GXYLT2: variants seen among roughly 807,000 people sequenced by gnomAD.
The protein encoded by GXYLT2 is glycosyltransferase 8 domain containing 4.
A neutral mutation model predicts 45.8 loss-of-function variants in GXYLT2; 53 were observed. The observed-to-expected ratio is 1.16, with a 90% CI of 0.93 to 1.46. GXYLT2 has a LOEUF of 1.46. Ranked by LOEUF, GXYLT2 falls within the 40% of genes most tolerant of loss-of-function variation. The probability of loss-of-function intolerance (pLI) is 0.00; values close to 1 mark genes in which losing one functional copy is unlikely to be tolerated. For synonymous variants in GXYLT2, 219 were observed against 214.2 expected, an observed-to-expected ratio of 1.02 and a Z score of -0.19; for missense variants, 551 against 544.4, an observed-to-expected ratio of 1.01 and a Z score of -0.12.
intron 1 of GXYLT2, among the ~76,000 whole-genome samples, chr3:72,894,541 A>G (rs896010523): frequency 1.3e-5 from 2 of 152,248 alleles, no homozygotes; most frequent in Admixed American, 1.3e-4. Flanking sequence ...TGTACCTGAT[A>G]GCAATAGCTT....
chr3:72,965,620 A>T (rs1710852050), intron 5 of GXYLT2, among the ~76,000 whole-genome samples: 1 of 152,182 alleles, frequency 6.6e-6, no homozygotes. Context: ...AAATTTTCTG[A>T]ATCCAATAGG....
intron 5 of GXYLT2, among the ~76,000 whole-genome samples, chr3:72,961,144 C>T (rs1710760752): frequency 6.6e-6 from 1 of 152,150 alleles, no homozygotes; most frequent in Admixed American, 6.6e-5. Context: ...GGACAGTTCA[C>T]AGGACATTTC....
At chr3:72,957,883 G>C (rs1000627560) in intron 5 of GXYLT2, among the ~76,000 whole-genome samples, 10 of 152,160 alleles carry the variant, frequency 6.6e-5, no homozygotes, top group African/African-American at 2.4e-4. Context: ...GAGGGAAAAA[G>C]GGAGATGAAC....
chr3:72,957,835 T>C (rs1307756897), intron 5 of GXYLT2, among the ~76,000 whole-genome samples: 1 of 152,074 alleles, frequency 6.6e-6, no homozygotes, highest in Non-Finnish European at 1.5e-5. Flanking sequence ...GCAAAAGAAA[T>C]TCTTCTTATA....
chr3:72,931,766 G>A (rs1469787173), intron 3 of GXYLT2, among the ~76,000 whole-genome samples: 1 of 151,796 alleles, frequency 6.6e-6, no homozygotes, highest in Non-Finnish European at 1.5e-5. Context: ...CAGAAGGATG[G>A]AAATAATAAA....
intron 3 of GXYLT2, among the ~76,000 whole-genome samples, chr3:72,936,030 G>A (rs1176418472): frequency 2.6e-5 from 4 of 152,188 alleles, no homozygotes; most frequent in South Asian, 2.1e-4. Context: ...GGTGGCTCAC[G>A]TCTGTAATCC....
intron 1 of GXYLT2, among the ~76,000 whole-genome samples, chr3:72,889,513 C>T (rs1486464871): frequency 1.3e-5 from 2 of 152,194 alleles, no homozygotes; most frequent in East Asian, 1.9e-4. Context: ...CCTTCTGTCT[C>T]AGTACAAATG....
At chr3:72,959,704 G>C (rs571497176) in intron 5 of GXYLT2, among the ~76,000 whole-genome samples, 1 of 151,474 alleles carries the variant, frequency 6.6e-6, no homozygotes, top group African/African-American at 2.4e-5. Flanking sequence ...GCACCATCTC[G>C]TCTGACTGCA....
chr3:72,888,579 A>T (rs1007285679), intron 1 of GXYLT2, 71 bp downstream of exon 1: 1 of 1,008,156 alleles, frequency 9.9e-7, no homozygotes, highest in Non-Finnish European at 1.2e-6. Flanking sequence ...GCCAAGTCCA[A>T]GGGAGGCTTT....
chr3:72,957,199 C>T, intron 4 of GXYLT2, 30 bp from the exon 5 acceptor site: 1 of 1,593,780 alleles, frequency 6.3e-7, no homozygotes, highest in Non-Finnish European at 8.5e-7. Flanking sequence ...TGCTTTGCTT[C>T]AGCTGTTCTG....
intron 3 of GXYLT2, among the ~76,000 whole-genome samples, chr3:72,946,932 TCCCACTTCAGCCTC>T (rs1167972026): frequency 6.6e-6 from 1 of 152,104 alleles, no homozygotes. Context: ...CAAATGATCC[TCCCACTTCAGCCTC>T]CGAAGTAGCT....
At chr3:72,969,967 A>T (rs926722211) in intron 6 of GXYLT2, among the ~76,000 whole-genome samples, 4 of 151,328 alleles carry the variant, frequency 2.6e-5, no homozygotes, top group Non-Finnish European at 5.9e-5. Context: ...CTGTAATCCC[A>T]GCACTTCAAG....
At chr3:72,909,443 A>T (rs920266972) in intron 2 of GXYLT2, among the ~76,000 whole-genome samples, 3 of 152,028 alleles carry the variant, frequency 2.0e-5, no homozygotes, top group African/African-American at 7.2e-5. Context: ...AATTACATAC[A>T]TATGTATGTA....
At chr3:72,936,011 G>A (rs1039467316) in intron 3 of GXYLT2, among the ~76,000 whole-genome samples, 1 of 152,184 alleles carries the variant, frequency 6.6e-6, no homozygotes. Flanking sequence ...CAGGAAGCCC[G>A]CCGGGCGCGG....
intron 1 of GXYLT2, among the ~76,000 whole-genome samples, chr3:72,904,052 C>T (rs932410253): frequency 2.6e-5 from 4 of 152,224 alleles, no homozygotes; most frequent in South Asian, 2.1e-4. Context: ...TTACCAGGAT[C>T]GTTGCCATCA....
chr3:72,889,594 G>A (rs1285697986), intron 1 of GXYLT2, among the ~76,000 whole-genome samples: 2 of 152,106 alleles, frequency 1.3e-5, no homozygotes, highest in East Asian at 3.9e-4. Flanking sequence ...ACACTTTACA[G>A]CCCTTTCTGG....
chr3:72,907,509 C>T (rs1709535447), intron 1 of GXYLT2, among the ~76,000 whole-genome samples: 1 of 152,112 alleles, frequency 6.6e-6, no homozygotes, highest in Admixed American at 6.5e-5. Context: ...CTTCTTCCAA[C>T]TTGACTGCAA....
In GXYLT2 at chr3:72,908,131, A is replaced by C. The variant is rs576177172; in HGVS notation, c.276-236A>C. 7.6e-6 allele frequency: 3 copies of C among 395,226 alleles called. No individual in the cohort carries two copies. The South Asian group carries it at 1.7e-4, about 22-fold the overall frequency. 24.5% of individuals were successfully genotyped at this position (395,226 alleles called of 1,614,324 possible). A position where few individuals can be genotyped will look rare whatever the true frequency, so the allele number is the denominator to read the frequency against. On this transcript the variant is annotated intron_variant, in intron 1 of 6. Transcript: ENST00000389617. The stretch of plus-strand genomic sequence containing the variant: ...GCTGAGTGCTGGCAGAAAAAGCCTC[A>C]GACACCTATAGCAGTCCAAACAGTG...
chr3:72,915,998 A>G (rs1270685991), intron 2 of GXYLT2, among the ~76,000 whole-genome samples: 2 of 151,888 alleles, frequency 1.3e-5, no homozygotes, highest in Admixed American at 6.6e-5. Flanking sequence ...TATTAGATGC[A>G]TGGTCCATGA....
Sources: allele counts gnomAD v4.1 joint callset (sites outside exome capture counted in the v4.1 genomes callset), GRCh38; gene constraint gnomAD v4.1.1; transcripts MANE v1.5; gene names NCBI Gene and HGNC (gene_info 2026-07-23, HGNC 2026-07-21).